Variants in PIK3R3 observed in about 807,000 individuals in gnomAD.
PIK3R3 encodes the protein phosphatidylinositol 3-kinase regulatory subunit gamma.
PIK3R3 carries 64 observed loss-of-function variants against 62.9 expected under a neutral mutation model. The observed-to-expected ratio is 1.02, with a 90% CI of 0.83 to 1.25. The LOEUF (loss-of-function observed/expected upper bound fraction) is 1.25. Among genes scored for constraint, PIK3R3 ranks in the 50% most tolerant of loss-of-function variants. The pLI, the probability that PIK3R3 is intolerant of heterozygous loss-of-function variation, is 0.00. For synonymous variants in PIK3R3, 165 were observed against 189.0 expected (o/e 0.87, Z 1.04); for missense variants, 614 against 561.6 (o/e 1.09, Z -0.94).
the PIK3R3 span, among the ~76,000 whole-genome samples, chr1:46,163,145 A>T: frequency 5.3e-5 from 8 of 152,224 alleles, no homozygotes; most frequent in Non-Finnish European, 1.0e-4. Context: ...AAGGTTAGCG[A>T]CATTTCTTTT....
At chr1:46,081,541 C>T (rs1055283305) in intron 1 of PIK3R3, among the ~76,000 whole-genome samples, 2 of 152,146 alleles carry the variant, frequency 1.3e-5, no homozygotes, top group Admixed American at 6.5e-5. Context: ...GAAAATCTAA[C>T]TAATGCCTGA....
At chr1:46,071,730 TAGAG>T (rs140765040) in intron 3 of PIK3R3, among the ~76,000 whole-genome samples, 2,445 of 58,692 alleles carry the variant, frequency 0.042, 317 homozygotes, top group African/African-American at 0.16. Flanking sequence ...TATATATATA[TAGAG>T]AGAGAGAGAG....
chr1:46,135,748 G>T (rs552637280), upstream of PIK3R3, among the ~76,000 whole-genome samples: 21 of 152,236 alleles, frequency 1.4e-4, 1 homozygote, highest in African/African-American at 5.1e-4. Flanking sequence ...CTTGCAAAAT[G>T]GGGCCGGGCA....
At chr1:46,051,767 A>G (rs1647370802) in intron 7 of PIK3R3, among the ~76,000 whole-genome samples, 1 of 152,188 alleles carries the variant, frequency 6.6e-6, no homozygotes, top group African/African-American at 2.4e-5. Flanking sequence ...AAGACAACCA[A>G]ATAGATGCCT....
chr1:46,046,694 G>T, intron 7 of PIK3R3, 69 bp from the exon 8 acceptor site: 1 of 1,094,950 alleles, frequency 9.1e-7, no homozygotes, highest in African/African-American at 1.5e-5. Context: ...GTATGTCTGA[G>T]CCAACTAAAC....
At chr1:46,174,268 C>A in the PIK3R3 span, among the ~76,000 whole-genome samples, 1 of 152,060 alleles carries the variant, frequency 6.6e-6, no homozygotes, top group Non-Finnish European at 1.5e-5. Flanking sequence ...CCCTCTTGGG[C>A]CCTTGAGCAT....
At chr1:46,107,305 C>G (rs894580884) in intron 1 of PIK3R3, among the ~76,000 whole-genome samples, 2 of 152,102 alleles carry the variant, frequency 1.3e-5, no homozygotes, top group Admixed American at 1.3e-4. Flanking sequence ...GATTGCACCA[C>G]TGAGATCATG....
the PIK3R3 span, among the ~76,000 whole-genome samples, chr1:46,158,858 C>T: frequency 6.6e-6 from 1 of 152,130 alleles, no homozygotes; most frequent in African/African-American, 2.4e-5. Context: ...GAGGCCAAGA[C>T]GGGTGGATCA....
At chr1:46,129,813 G>T (rs559691033) in intron 1 of PIK3R3, among the ~76,000 whole-genome samples, 19 of 152,174 alleles carry the variant, frequency 1.2e-4, no homozygotes, top group African/African-American at 4.6e-4. Context: ...AAGCTGTTAG[G>T]AATAACTAAC....
intron 1 of PIK3R3, among the ~76,000 whole-genome samples, chr1:46,084,783 T>C (rs1249266567): frequency 6.6e-6 from 1 of 151,994 alleles, no homozygotes; most frequent in African/African-American, 2.4e-5. Context: ...AAAAAGCAAA[T>C]TGTAACAGAA....
At chr1:46,111,207 A>G (rs1019959453) in intron 1 of PIK3R3, among the ~76,000 whole-genome samples, 7 of 152,176 alleles carry the variant, frequency 4.6e-5, no homozygotes, top group Non-Finnish European at 1.0e-4. Context: ...CATAAATATT[A>G]TAATTCTTAT....
intron 1 of PIK3R3, among the ~76,000 whole-genome samples, chr1:46,102,071 G>A (rs1376077923): frequency 2.3e-5 from 3 of 130,890 alleles, no homozygotes; most frequent in Admixed American, 1.9e-4. Flanking sequence ...TGCAGGCTCC[G>A]CCCCCTGGGG....
intron 5 of PIK3R3, among the ~76,000 whole-genome samples, chr1:46,065,385 T>C (rs1648894895): frequency 6.6e-6 from 1 of 152,232 alleles, no homozygotes; most frequent in African/African-American, 2.4e-5. Flanking sequence ...GTTAATGATC[T>C]AAAAACTGTG....
intron 1 of PIK3R3, among the ~76,000 whole-genome samples, chr1:46,127,649 G>A (rs1169812321): frequency 6.6e-6 from 1 of 152,066 alleles, no homozygotes; most frequent in African/African-American, 2.4e-5. Context: ...CCCAATTCCC[G>A]AAGTCATAGC....
At chr1:46,149,330 G>A in the PIK3R3 span, among the ~76,000 whole-genome samples, 1 of 149,476 alleles carries the variant, frequency 6.7e-6, no homozygotes, top group Non-Finnish European at 1.5e-5. Flanking sequence ...GCTGAGGCGG[G>A]AGAATTGCTT....
intron 1 of PIK3R3, among the ~76,000 whole-genome samples, chr1:46,088,151 A>G (rs1651270614): frequency 6.6e-6 from 1 of 152,234 alleles, no homozygotes; most frequent in South Asian, 2.1e-4. Flanking sequence ...CTGGGAGGCC[A>G]AGACAGGAGT....
At chr1:46,077,756 G>T in intron 2 of PIK3R3, 143 bp from the exon 3 acceptor site, 2 of 582,752 alleles carry the variant, frequency 3.4e-6, no homozygotes, top group South Asian at 2.1e-5. Context: ...GCCATTTAGA[G>T]GTCATTTAGT....
intron 5 of PIK3R3, among the ~76,000 whole-genome samples, chr1:46,062,406 C>T (rs1235328211): frequency 1.3e-5 from 2 of 151,464 alleles, no homozygotes; most frequent in Non-Finnish European, 2.9e-5. Flanking sequence ...AAAACCCCGT[C>T]TCTACTAAAA....
chr1:46,046,998 G>T, intron 7 of PIK3R3: 1 of 230,808 alleles, frequency 4.3e-6, no homozygotes. Context: ...CTAAGCCTGA[G>T]GACACACTTC....
Sources: allele counts gnomAD v4.1 joint callset (sites outside exome capture counted in the v4.1 genomes callset), GRCh38; gene constraint gnomAD v4.1.1; transcripts MANE v1.5; gene names NCBI Gene and HGNC (gene_info 2026-07-23, HGNC 2026-07-21).